ATF3: variants seen among roughly 807,000 people sequenced by gnomAD.
The protein encoded by ATF3 is activating transcription factor 3.
A neutral mutation model predicts 18.4 loss-of-function variants in ATF3; 10 were observed. The observed-to-expected ratio is 0.54, with a 90% CI of 0.34 to 0.92. The LOEUF is 0.92. Among genes scored for constraint, ATF3 ranks in the 40% least tolerant of loss-of-function variants. ATF3 has a pLI of 0.02. For missense variants in ATF3, 183 were observed against 222.3 expected, an observed-to-expected ratio of 0.82 and a Z score of 1.12; for synonymous variants, 78 against 87.9, an observed-to-expected ratio of 0.89 and a Z score of 0.63.
intron 1 of ATF3, among the ~76,000 whole-genome samples, chr1:212,583,318 G>A (rs1458072742): frequency 6.6e-6 from 1 of 152,012 alleles, no homozygotes; most frequent in Non-Finnish European, 1.5e-5. Flanking sequence ...CTACACTCTG[G>A]AACCCCTGGG....
chr1:212,607,313 C>A (rs1398146237), upstream of ATF3, among the ~76,000 whole-genome samples: 1 of 152,212 alleles, frequency 6.6e-6, no homozygotes, highest in Non-Finnish European at 1.5e-5. Context: ...CTGCCCTTCA[C>A]CGTGCCCCCA....
chr1:212,618,206 A>T lies in ATF3; in HGVS notation c.320A>T (p.Lys107Met). ...KIAAAKCRNK[K>M]KEKTECLQKE... ...GCAGCTGCAAAGTGCCGAAACAAGA[A>T]GAAGGAGAAGACGGAGTGCCTGCAG... Residue 107 changes from lysine to methionine, a missense_variant, in exon 3 of 4, where the codon AAG becomes ATG. Coordinates refer to ENST00000341491, the MANE Select transcript of ATF3 (RefSeq NM_001674.4). The surrounding 1 kb of genome is among the most constrained non-coding windows in gnomAD (Gnocchi z 4.4). The T allele has an allele frequency of 6.2e-7, 1 of 1,614,154 alleles. No individual in the cohort carries two copies. Among genetic ancestry groups the T allele is most frequent in the Non-Finnish European group, 8.5e-7 (1 of 1,179,982 alleles).
intron 2 of ATF3, among the ~76,000 whole-genome samples, chr1:212,616,473 T>C (rs190327312): frequency 6.6e-6 from 1 of 152,288 alleles, no homozygotes; most frequent in Admixed American, 6.5e-5. Context: ...TTTTTGAATT[T>C]TTTTAGTAGA....
At chr1:212,611,671 G>A (rs1558238428) in intron 1 of ATF3, among the ~76,000 whole-genome samples, 1 of 152,202 alleles carries the variant, frequency 6.6e-6, no homozygotes, top group African/African-American at 2.4e-5. Flanking sequence ...TGGTTAGCAA[G>A]CAATGCTTAG....
intron 1 of ATF3, among the ~76,000 whole-genome samples, chr1:212,570,077 G>T (rs1221174979): frequency 6.6e-6 from 1 of 151,996 alleles, no homozygotes; most frequent in African/African-American, 2.4e-5. Context: ...CTTAATATCT[G>T]CAGTGATTTA....
chr1:212,593,092 T>C (rs1483498858), intron 1 of ATF3, among the ~76,000 whole-genome samples: 1 of 151,778 alleles, frequency 6.6e-6, no homozygotes, highest in Non-Finnish European at 1.5e-5. Flanking sequence ...ATATACACCA[T>C]GGAATACTAT....
chr1:212,596,055 G>A (rs1039527085), intron 1 of ATF3, among the ~76,000 whole-genome samples: 2 of 152,196 alleles, frequency 1.3e-5, no homozygotes, highest in Admixed American at 6.5e-5. Context: ...AAGTGACTGT[G>A]GGGTGTGGCC....
chr1:212,580,112 C>T (rs113924830), intron 1 of ATF3, among the ~76,000 whole-genome samples: 3,094 of 151,304 alleles, frequency 0.02, 96 homozygotes, highest in African/African-American at 0.07. Flanking sequence ...GAGCCGAGAT[C>T]GAGCCATTGC....
chr1:212,577,822 A>G (rs533354558), intron 1 of ATF3, among the ~76,000 whole-genome samples: 2 of 152,292 alleles, frequency 1.3e-5, no homozygotes, highest in South Asian at 4.1e-4. Context: ...CTATTCATTC[A>G]TCTGTTAATG....
At chr1:212,611,159 G>T (rs1266795116) in intron 1 of ATF3, among the ~76,000 whole-genome samples, 2 of 152,198 alleles carry the variant, frequency 1.3e-5, no homozygotes, top group Non-Finnish European at 2.9e-5. Flanking sequence ...GTGAGAATTG[G>T]TTCTCTTTCA....
intron 1 of ATF3, among the ~76,000 whole-genome samples, chr1:212,578,125 A>G (rs1040353349): frequency 1.3e-5 from 2 of 152,346 alleles, no homozygotes; most frequent in African/African-American, 4.8e-5. Context: ...CTGATGTGTG[A>G]GGTGATACCT....
In ATF3 at chr1:212,615,089, TGTCCCCTCCTGG is replaced by T. The variant is rs774779900; in HGVS notation, c.72_83del (p.Pro25_Ser28del). 6.2e-7 allele frequency: 1 copy of T among 1,614,200 alleles called. No homozygotes were observed. Among genetic ancestry groups the T allele is most frequent in the South Asian group, 1.1e-5 (1 of 91,088 alleles). ...AGTGCTTCTGCCATCGTCCCCTGCC[TGTCCCCTCCTGG>T]GTCACTGGTGTTTGAGGATTTTGCT... On this transcript the variant is annotated inframe_deletion, in exon 2 of 4. Transcript: ENST00000341491.
chr1:212,618,019 C>A lies in ATF3; in HGVS notation c.241-108C>A. On this transcript the variant is annotated intron_variant, in intron 2 of 3. Coordinates refer to ENST00000341491, the MANE Select transcript of ATF3 (RefSeq NM_001674.4). This position sits in a 1 kb window ranked among gnomAD's most constrained non-coding sequence, Gnocchi z 4.4. ...TTTAGTATTTCGGGGTCTTTTAGCG[C>A]TAGCATTGCCCTTGTCTGCCAGCTT... is the stretch of plus-strand genomic sequence containing the variant. The A allele has an allele frequency of 9.1e-7, 1 of 1,103,202 alleles. No homozygotes were observed. Among genetic ancestry groups the A allele is most frequent in the Non-Finnish European group, 1.3e-6 (1 of 741,624 alleles). The allele number at this position is 1,103,202 out of a possible 1,614,324, so 68.3% of individuals were successfully genotyped here.
chr1:212,572,450 C>T (rs1241022405), intron 1 of ATF3, among the ~76,000 whole-genome samples: 1 of 152,098 alleles, frequency 6.6e-6, no homozygotes, highest in Non-Finnish European at 1.5e-5. Flanking sequence ...ACCCGGGAGG[C>T]GGAGGTTGCA....
At chr1:212,567,023 G>T (rs574210469) in intron 1 of ATF3, among the ~76,000 whole-genome samples, 1 of 152,198 alleles carries the variant, frequency 6.6e-6, no homozygotes, top group Non-Finnish European at 1.5e-5. Flanking sequence ...TAGGGGTAGC[G>T]ATTTTACTTA....
chr1:212,569,186 T>A (rs1241219255), intron 1 of ATF3, among the ~76,000 whole-genome samples: 1 of 152,182 alleles, frequency 6.6e-6, no homozygotes, highest in East Asian at 1.9e-4. Context: ...TTTTCCTCCC[T>A]GCCTTCTTTT....
intron 1 of ATF3, among the ~76,000 whole-genome samples, chr1:212,578,786 C>A (rs1274074394): frequency 6.6e-6 from 1 of 152,044 alleles, no homozygotes; most frequent in Admixed American, 6.5e-5. Context: ...CTCATCCCTC[C>A]TTCTTCTCCA....
intron 1 of ATF3, among the ~76,000 whole-genome samples, chr1:212,585,552 C>T (rs1664765096): frequency 6.6e-6 from 1 of 152,188 alleles, no homozygotes; most frequent in East Asian, 1.9e-4. Context: ...TTTATGAAGA[C>T]ATGTGGTTTT....
upstream of ATF3, among the ~76,000 whole-genome samples, chr1:212,605,374 G>C (rs1654593235): frequency 6.6e-6 from 1 of 152,176 alleles, no homozygotes; most frequent in Non-Finnish European, 1.5e-5. Context: ...TAGAAAGAGT[G>C]AGCTTCGGAA....
Sources: allele counts gnomAD v4.1 joint callset (sites outside exome capture counted in the v4.1 genomes callset), GRCh38; gene constraint gnomAD v4.1.1; non-coding constraint Gnocchi (gnomAD v3.1); transcripts MANE v1.5; gene names NCBI Gene and HGNC (gene_info 2026-07-23, HGNC 2026-07-21).